FGFR2: variants seen among roughly 807,000 people sequenced by gnomAD.
FGFR2 encodes fibroblast growth factor receptor 2.
Under a neutral mutation model 95.9 loss-of-function variants are expected in FGFR2, and 19 were observed. The ratio of observed to expected loss-of-function variants is 0.20; its 90% CI spans 0.14 to 0.29. FGFR2 has a LOEUF of 0.29. FGFR2 is among the 10% of genes least tolerant of loss of function. The pLI is 1.00. For synonymous variants in FGFR2, 392 were observed against 393.3 expected (o/e 1.00, Z 0.04); for missense variants, 707 against 1,056.9 (o/e 0.67, Z 4.59).
chr10:121,501,596 G>A (rs1377805522), intron 10 of FGFR2, among the ~76,000 whole-genome samples: 3 of 152,082 alleles, frequency 2.0e-5, no homozygotes, highest in Admixed American at 6.6e-5. Context: ...CACATCGGAC[G>A]AATAGCCATA....
At chr10:121,495,752 AT>A (rs1846712115) in intron 13 of FGFR2, among the ~76,000 whole-genome samples, 1 of 152,170 alleles carries the variant, frequency 6.6e-6, no homozygotes, top group Non-Finnish European at 1.5e-5. Context: ...GACCCAAGGA[AT>A]TCCTGGCACT....
At chr10:121,567,766 C>G (rs1287018992) in intron 2 of FGFR2, among the ~76,000 whole-genome samples, 1 of 152,242 alleles carries the variant, frequency 6.6e-6, no homozygotes, top group Non-Finnish European at 1.5e-5. Flanking sequence ...TAGAACACGG[C>G]CATGCCCATT....
At chr10:121,496,245 A>G (rs899973385) in intron 13 of FGFR2, among the ~76,000 whole-genome samples, 1 of 152,006 alleles carries the variant, frequency 6.6e-6, no homozygotes, top group African/African-American at 2.4e-5. Flanking sequence ...AAAACCATCC[A>G]TTTCCCACCT....
At position 121,593,925 on chromosome 10, in the gene FGFR2, G is replaced by C. The variant is rs540720034; in HGVS notation, c.-108C>G. ...ACTACGCGCAATGCCTTCAGCCTGC[G>C]GTGGGCTCAGGAACCGAGGCGCTGC... On this transcript the variant is annotated 5_prime_UTR_variant, in exon 2 of 18. Transcript: ENST00000358487. 9.8e-7 allele frequency: 1 copy of C among 1,022,204 alleles called. No homozygotes were observed. The highest frequency in any genetic ancestry group is 1.6e-5 in the African/African-American group (1 of 63,308). 63.3% of individuals were successfully genotyped at this position (1,022,204 alleles called of 1,614,324 possible).
At chr10:121,543,915 C>T (rs891243695) in intron 5 of FGFR2, among the ~76,000 whole-genome samples, 2 of 152,182 alleles carry the variant, frequency 1.3e-5, no homozygotes, top group African/African-American at 2.4e-5. Flanking sequence ...AAGGTGGCTG[C>T]GGCAGGACAT....
chr10:121,489,466 T>G (rs1845855026), intron 13 of FGFR2, among the ~76,000 whole-genome samples: 1 of 152,220 alleles, frequency 6.6e-6, no homozygotes, highest in African/African-American at 2.4e-5. Flanking sequence ...TCTCTTTTTC[T>G]GTCCCTTCAA....
intron 6 of FGFR2, among the ~76,000 whole-genome samples, chr10:121,534,326 T>C (rs1312185924): frequency 1.3e-5 from 2 of 152,024 alleles, no homozygotes; most frequent in African/African-American, 2.4e-5. Flanking sequence ...CTTGAACTCC[T>C]GACCTCATGA....
chr10:121,503,659 C>T (rs1317378127), intron 10 of FGFR2, 131 bp downstream of exon 10: 1 of 971,948 alleles, frequency 1.0e-6, no homozygotes, highest in African/African-American at 1.6e-5. Flanking sequence ...TTTAGAAATA[C>T]AATCTTACTC....
At chr10:121,558,717 C>G (rs544004938) in intron 4 of FGFR2, among the ~76,000 whole-genome samples, 17 of 151,186 alleles carry the variant, frequency 1.1e-4, no homozygotes, top group Non-Finnish European at 2.4e-4. Context: ...AAGTGATTCT[C>G]CTGCCTCAGC....
chr10:121,597,840 T>A, intron 1 of FGFR2, 122 bp downstream of exon 1: 2 of 368,130 alleles, frequency 5.4e-6, no homozygotes, highest in Non-Finnish European at 4.8e-6. Context: ...CGGAGCGTCC[T>A]CCACAATGCT....
At chr10:121,565,176 CAAAAAAAAA>C (rs71865754) in intron 3 of FGFR2, among the ~76,000 whole-genome samples, 1 of 98,026 alleles carries the variant, frequency 1.0e-5, no homozygotes, top group Non-Finnish European at 2.1e-5. Context: ...GTCAGTGGTA[CAAAAAAAAA>C]AAAAAAAAAG....
chr10:121,481,966 T>G, intron 17 of FGFR2: 2 of 398,550 alleles, frequency 5.0e-6, no homozygotes, highest in South Asian at 4.0e-5. Flanking sequence ...CCTCCCGGAG[T>G]AGCTGGGATT....
At chr10:121,584,847 C>A (rs1419142434) in intron 2 of FGFR2, among the ~76,000 whole-genome samples, 1 of 50,090 alleles carries the variant, frequency 2.0e-5, no homozygotes, top group Admixed American at 2.0e-4. Context: ...TAACCCCTCT[C>A]CATCCCGCAC....
intron 4 of FGFR2, among the ~76,000 whole-genome samples, chr10:121,559,912 T>A (rs1450186213): frequency 6.6e-6 from 1 of 152,216 alleles, no homozygotes; most frequent in Non-Finnish European, 1.5e-5. Context: ...TGCATTCTAT[T>A]GCTTCACATG....
At chr10:121,500,973 A>C (rs777745567) in intron 10 of FGFR2, 26 bp from the exon 11 acceptor site, 1 of 1,612,994 alleles carries the variant, frequency 6.2e-7, no homozygotes, top group Non-Finnish European at 8.5e-7. Flanking sequence ...GGGGATTAGC[A>C]CATAGCATCT....
At chr10:121,595,615 A>G (rs1347648929) in intron 1 of FGFR2, among the ~76,000 whole-genome samples, 1 of 152,236 alleles carries the variant, frequency 6.6e-6, no homozygotes, top group East Asian at 1.9e-4. Flanking sequence ...CTATTTCTAC[A>G]TACATGTGGG....
At chr10:121,521,643 G>A (rs1850556543) in intron 6 of FGFR2, among the ~76,000 whole-genome samples, 1 of 30,242 alleles carries the variant, frequency 3.3e-5, no homozygotes. Context: ...CTGTCAGGAT[G>A]GGAAGAAAAA....
In FGFR2 at chr10:121,551,530, G is replaced by GT. The variant is rs535525150; in HGVS notation, c.455-72dup. On this transcript the variant is annotated intron_variant, in intron 4 of 17. Coordinates refer to ENST00000358487, the MANE Select transcript of FGFR2 (RefSeq NM_000141.5). ...CCCTCCATGAGTAAACTCCAAACAG[G>GT]TAAGATCATTTCGCTTTGCATGTAA... 650 of 1,397,534 alleles carry GT rather than the reference G, an allele frequency of 4.7e-4. 9 individuals are homozygous for GT. The South Asian group carries it at 6.4e-3, about 14-fold the overall frequency. The allele number at this position is 1,397,534 out of a possible 1,614,324, so 86.6% of individuals were successfully genotyped here.
intron 13 of FGFR2, 118 bp downstream of exon 13, chr10:121,496,414 G>C (rs1277377985): frequency 3.0e-6 from 3 of 998,046 alleles, no homozygotes; most frequent in South Asian, 1.3e-5. Context: ...ATATTTTCCA[G>C]GTTGTACAAG....
Sources: allele counts gnomAD v4.1 joint callset (sites outside exome capture counted in the v4.1 genomes callset), GRCh38; gene constraint gnomAD v4.1.1; transcripts MANE v1.5; gene names NCBI Gene and HGNC (gene_info 2026-07-23, HGNC 2026-07-21).